SEMA5A: variants seen among roughly 807,000 people sequenced by gnomAD.
SEMA5A encodes semaphorin 5A, also known as semaphorin-5A.
Under a neutral mutation model 135.5 loss-of-function variants are expected in SEMA5A, and 55 were observed. The observed-to-expected ratio is 0.41, with a 90% CI of 0.33 to 0.51. The LOEUF (loss-of-function observed/expected upper bound fraction) is 0.51. Among genes scored for constraint, SEMA5A ranks in the 20% least tolerant of loss-of-function variants. SEMA5A has a pLI of 0.37. For synonymous variants in SEMA5A, 580 were observed against 546.5 expected (o/e 1.06, Z -0.85); for missense variants, 1,290 against 1,419.9 (o/e 0.91, Z 1.47).
chr5:9,529,235 C>T (rs1737310435), intron 1 of SEMA5A, among the ~76,000 whole-genome samples: 1 of 152,250 alleles, frequency 6.6e-6, no homozygotes, highest in Non-Finnish European at 1.5e-5. Context: ...GGCTACCCAC[C>T]TGCACCTGCC....
Position 9,224,869 on chromosome 5 carries a change from T to C in SEMA5A, c.451A>G (p.Ile151Val), listed in dbSNP as rs1272940136. ...GCCATGCCACTGATCTGATCATGGA[T>C]CTCAGTCAGGTTGCTCAACTGTGGG... ...TNRSLSNLTE[I>V]HDQISGMARC... Residue 151 changes from isoleucine (I) to valine (V), a missense_variant, in exon 8 of 23, where the codon ATC becomes GTC. By Grantham distance (29) the Ile-to-Val change is conservative. Transcript: ENST00000382496. 1 of 1,613,006 alleles carries C rather than the reference T, an allele frequency of 6.2e-7. No individual in the cohort carries two copies. Among genetic ancestry groups the C allele is most frequent in the East Asian group, 2.2e-5 (1 of 44,842 alleles).
intron 16 of SEMA5A, 83 bp from the exon 17 acceptor site, chr5:9,066,729 T>C: frequency 8.4e-7 from 1 of 1,194,176 alleles, no homozygotes; most frequent in Non-Finnish European, 1.2e-6. Flanking sequence ...TAGGGAAAGA[T>C]AAGGGTCTCT....
At chr5:9,387,907 C>A (rs571057652) in intron 2 of SEMA5A, among the ~76,000 whole-genome samples, 1 of 151,994 alleles carries the variant, frequency 6.6e-6, no homozygotes, top group African/African-American at 2.4e-5. Flanking sequence ...TTATAGTGCA[C>A]TTTTAAAGAA....
chr5:9,244,090 C>T (rs1748355336), intron 5 of SEMA5A, among the ~76,000 whole-genome samples: 1 of 152,170 alleles, frequency 6.6e-6, no homozygotes, highest in Admixed American at 6.5e-5. Flanking sequence ...CCTAATGAAA[C>T]TCTAAAGTCA....
At chr5:9,193,541 C>T (rs554178697) in intron 10 of SEMA5A, among the ~76,000 whole-genome samples, 1 of 152,304 alleles carries the variant, frequency 6.6e-6, no homozygotes, top group South Asian at 2.1e-4. Context: ...ATCACCTAAC[C>T]TCCTGCAGGA....
intron 1 of SEMA5A, among the ~76,000 whole-genome samples, chr5:9,441,656 G>A (rs1381685760): frequency 6.6e-6 from 1 of 152,228 alleles, no homozygotes; most frequent in Non-Finnish European, 1.5e-5. Context: ...CCTGGAGGAA[G>A]ACAAGGAAGT....
At chr5:9,530,051 GA>G (rs1330447519) in intron 1 of SEMA5A, among the ~76,000 whole-genome samples, 1 of 152,230 alleles carries the variant, frequency 6.6e-6, no homozygotes, top group Non-Finnish European at 1.5e-5. Flanking sequence ...AGGCAAGGCA[GA>G]GGCTGGGAAG....
At chr5:9,151,595 T>A (rs1266314441) in intron 12 of SEMA5A, among the ~76,000 whole-genome samples, 1 of 152,170 alleles carries the variant, frequency 6.6e-6, no homozygotes. Context: ...CATGGAATGT[T>A]AACTAGGGAG....
At chr5:9,193,295 C>T (rs572818900) in intron 10 of SEMA5A, among the ~76,000 whole-genome samples, 16 of 152,234 alleles carry the variant, frequency 1.1e-4, no homozygotes, top group African/African-American at 3.9e-4. Flanking sequence ...GTGTGACTCC[C>T]TGGGTTCACC....
At chr5:9,361,126 C>T (rs1754674439) in intron 3 of SEMA5A, among the ~76,000 whole-genome samples, 1 of 152,046 alleles carries the variant, frequency 6.6e-6, no homozygotes, top group South Asian at 2.1e-4. Flanking sequence ...TGGTAAAACG[C>T]TGTCTCTACT....
chr5:9,373,466 T>G (rs184090461), intron 3 of SEMA5A, among the ~76,000 whole-genome samples: 274 of 152,298 alleles, frequency 1.8e-3, no homozygotes, highest in Non-Finnish European at 2.9e-3. Flanking sequence ...AGCAGTCATC[T>G]CAATTCCCTC....
intron 18 of SEMA5A, among the ~76,000 whole-genome samples, chr5:9,054,561 A>G (rs932898877): frequency 1.3e-5 from 2 of 152,206 alleles, no homozygotes; most frequent in Non-Finnish European, 2.9e-5. Context: ...AAGTACAAAC[A>G]TGACAGCAGA....
At chr5:9,197,025 G>A in intron 10 of SEMA5A, 143 bp downstream of exon 10, 1 of 1,168,774 alleles carries the variant, frequency 8.6e-7, no homozygotes, top group Non-Finnish European at 1.2e-6. Context: ...AGCCAGCAGA[G>A]TATGGGGCTG....
At chr5:9,067,931 C>T (rs1460255023) in intron 16 of SEMA5A, among the ~76,000 whole-genome samples, 1 of 152,084 alleles carries the variant, frequency 6.6e-6, no homozygotes, top group East Asian at 1.9e-4. Context: ...ATCTTCTCTA[C>T]TACATTTTAA....
At chr5:9,118,114 G>C (rs766179219) in intron 15 of SEMA5A, among the ~76,000 whole-genome samples, 7 of 152,172 alleles carry the variant, frequency 4.6e-5, no homozygotes, top group Non-Finnish European at 8.8e-5. Flanking sequence ...ACTATATACA[G>C]TATTTTTATT....
intron 13 of SEMA5A, among the ~76,000 whole-genome samples, chr5:9,131,554 G>A (rs1215560065): frequency 2.3e-5 from 3 of 132,676 alleles, no homozygotes; most frequent in Non-Finnish European, 4.6e-5. Context: ...GCTGCAATGA[G>A]CTGAGATCTC....
At chr5:9,189,914 A>G (rs945976974) in intron 11 of SEMA5A, among the ~76,000 whole-genome samples, 1 of 152,240 alleles carries the variant, frequency 6.6e-6, no homozygotes, top group African/African-American at 2.4e-5. Context: ...TCCCAAGATA[A>G]TATTTCACCC....
At chr5:9,338,580 T>TA (rs1182238825) in intron 3 of SEMA5A, among the ~76,000 whole-genome samples, 1 of 152,192 alleles carries the variant, frequency 6.6e-6, no homozygotes, top group Non-Finnish European at 1.5e-5. Flanking sequence ...CACTAAAAAA[T>TA]ATTCAGTGAG....
At chr5:9,162,418 G>GTGTATATATA (rs1743310792) in intron 11 of SEMA5A, among the ~76,000 whole-genome samples, 1 of 147,722 alleles carries the variant, frequency 6.8e-6, no homozygotes, top group Non-Finnish European at 1.5e-5. Flanking sequence ...ATATATGTGT[G>GTGTATATATA]TGTATATATA....
Sources: gnomAD v4.1 joint callset for allele counts (sites outside exome capture counted in the v4.1 genomes callset) on GRCh38, gnomAD v4.1.1 for gene constraint, MANE v1.5 for transcripts, NCBI Gene and HGNC (gene_info 2026-07-23, HGNC 2026-07-21) for gene names.